Variants in ELOVL4 observed in about 807,000 individuals in gnomAD.
ELOVL4 encodes very long chain fatty acid elongase 4.
ELOVL4 carries 18 observed loss-of-function variants against 42.1 expected under a neutral mutation model. The observed-to-expected ratio is 0.43, with a 90% CI of 0.30 to 0.63. The LOEUF (loss-of-function observed/expected upper bound fraction) is 0.63. Ranked by LOEUF, ELOVL4 falls within the 30% of genes least tolerant of loss-of-function variation. The pLI is 0.15. For missense variants in ELOVL4, 299 were observed against 376.2 expected, an observed-to-expected ratio of 0.79 and a Z score of 1.70; for synonymous variants, 117 against 127.0, an observed-to-expected ratio of 0.92 and a Z score of 0.53.
In ELOVL4 at chr6:79,916,638, C is replaced by CT; in HGVS notation, c.914dup (p.Gln306AlafsTer12). On this transcript the variant is annotated frameshift_variant, in exon 6 of 6. Transcript: ENST00000369816. LOFTEE classifies it high-confidence loss of function. ...CTCCTTTTGCTTTTCCATTTTTCTGCTTTTTTCCATTTTCTATCATGAGTT... is the reference window on the plus strand; with the variant it reads ...CTCCTTTTGCTTTTCCATTTTTCTGCTTTTTTTCCATTTTCTATCATGAGTT... 1 of 1,614,072 alleles carries CT rather than the reference C, an allele frequency of 6.2e-7. No individual in the cohort carries two copies. The highest frequency in any genetic ancestry group is 8.5e-7 in the Non-Finnish European group (1 of 1,180,008).
rs149410136 is a variant in ELOVL4, at chr6:79,916,099, G to A, written c.*509C>T. 608 of 162,428 alleles carry A rather than the reference G, an allele frequency of 3.7e-3. 3 individuals carry two copies. Among genetic ancestry groups the A allele is most frequent in the African/African-American group, 0.014 (588 of 41,622 alleles). 10.1% of individuals were successfully genotyped at this position (162,428 alleles called of 1,614,324 possible). Reference sequence around the variant, plus strand: ...ATTATACTCTGACTAGAGGTGGAGAGATTTGACCATTCCGGTCAGCAAATG... The same window carrying A: ...ATTATACTCTGACTAGAGGTGGAGAAATTTGACCATTCCGGTCAGCAAATG... On this transcript the variant is annotated 3_prime_UTR_variant, in exon 6 of 6. Coordinates refer to ENST00000369816, the MANE Select transcript of ELOVL4 (RefSeq NM_022726.4).
At chr6:79,936,206 T>C (rs1774539843) in intron 1 of ELOVL4, among the ~76,000 whole-genome samples, 1 of 152,220 alleles carries the variant, frequency 6.6e-6, no homozygotes, top group Non-Finnish European at 1.5e-5. Context: ...TCGCTAAATA[T>C]TGAGCAGCTT....
rs142519788 is a variant in ELOVL4 at position 79,931,294 on chromosome 6, C to T, written c.101-4913G>A. On this transcript the variant is annotated intron_variant, in intron 1 of 5. Coordinates refer to ENST00000369816, the MANE Select transcript of ELOVL4 (RefSeq NM_022726.4). Reference sequence around the variant, plus strand: ...TTCACGTTGTCATGTAAACCTTTACCTAAACTAGAATCATAAAATTTTAGA... The same window carrying T: ...TTCACGTTGTCATGTAAACCTTTACTTAAACTAGAATCATAAAATTTTAGA... 5.5e-4 allele frequency among the ~76,000 whole-genome samples: 84 copies of T among 152,000 alleles called. 1 individual carries two copies. The South Asian group carries it at 8.3e-3, about 15-fold the overall frequency.
intron 1 of ELOVL4, among the ~76,000 whole-genome samples, chr6:79,941,531 GAATT>G (rs1255834550): frequency 6.6e-5 from 10 of 152,098 alleles, no homozygotes; most frequent in African/African-American, 2.4e-4. Context: ...AACGGCAACT[GAATT>G]AATGACCAAC....
chr6:79,938,008 C>T (rs1024231833), intron 1 of ELOVL4, among the ~76,000 whole-genome samples: 1 of 152,140 alleles, frequency 6.6e-6, no homozygotes, highest in Non-Finnish European at 1.5e-5. Flanking sequence ...GGATTACAGG[C>T]GTGAGCCACC....
intron 1 of ELOVL4, among the ~76,000 whole-genome samples, chr6:79,946,305 T>C (rs1413185485): frequency 6.6e-6 from 1 of 152,156 alleles, no homozygotes; most frequent in Non-Finnish European, 1.5e-5. Flanking sequence ...AACAGTACAA[T>C]GTAAAAATAT....
chr6:79,924,496 T>G (rs1774311503), intron 3 of ELOVL4, among the ~76,000 whole-genome samples: 1 of 152,178 alleles, frequency 6.6e-6, no homozygotes, highest in African/African-American at 2.4e-5. Flanking sequence ...TAAAAAAGCA[T>G]AGTTTTACTG....
chr6:79,921,996 A>G (rs570505486), intron 3 of ELOVL4, among the ~76,000 whole-genome samples, 200 bp from the exon 4 acceptor site: 1 of 152,374 alleles, frequency 6.6e-6, no homozygotes, highest in East Asian at 1.9e-4. Context: ...CCAAAGCTCT[A>G]TCTATACAGT....
rs1774761499 is a variant in ELOVL4, at chr6:79,947,152, G to C, written c.100+28C>G. 2.5e-6 allele frequency: 4 copies of C among 1,590,122 alleles called. No homozygotes were observed. In the South Asian group the frequency reaches 4.5e-5, roughly 18 times the overall value. ...CCGGTGACCCCCCGCGGGGGACCGA[G>C]CGAGGATGGGGAAGTCAGCGGCTTT... On this transcript the variant is annotated intron_variant, in intron 1 of 5. Transcript: ENST00000369816.
At chr6:79,933,257 G>A (rs948035830) in intron 1 of ELOVL4, among the ~76,000 whole-genome samples, 3 of 151,994 alleles carry the variant, frequency 2.0e-5, no homozygotes, top group Admixed American at 1.3e-4. Context: ...TTGGGACTGG[G>A]TCTGGCTCTG....
At chr6:79,924,624 C>T (rs904540133) in intron 3 of ELOVL4, among the ~76,000 whole-genome samples, 1 of 151,976 alleles carries the variant, frequency 6.6e-6, no homozygotes, top group Non-Finnish European at 1.5e-5. Context: ...TCCCTTGCGG[C>T]TGGGAGTTCA....
chr6:79,942,054 CT>C (rs748502006), intron 1 of ELOVL4, among the ~76,000 whole-genome samples: 2 of 152,060 alleles, frequency 1.3e-5, no homozygotes, highest in Non-Finnish European at 2.9e-5. Context: ...GTACTGGGTT[CT>C]GGTAAAAGGT....
intron 1 of ELOVL4, among the ~76,000 whole-genome samples, chr6:79,935,443 G>C (rs1364229194): frequency 6.6e-6 from 1 of 152,140 alleles, no homozygotes; most frequent in Non-Finnish European, 1.5e-5. Flanking sequence ...GAATACAGTA[G>C]GAAATCATCT....
At chr6:79,935,711 C>G (rs1263986023) in intron 1 of ELOVL4, among the ~76,000 whole-genome samples, 1 of 152,162 alleles carries the variant, frequency 6.6e-6, no homozygotes, top group Non-Finnish European at 1.5e-5. Context: ...AGAAGACACA[C>G]AAAATTCCTG....
chr6:79,944,709 T>C lies in ELOVL4; in HGVS notation c.100+2471A>G, dbSNP rs143929639. Among the ~76,000 whole-genome samples the C allele has an allele frequency of 1.1e-3, 165 of 152,258 alleles. 1 individual carries two copies. Among genetic ancestry groups the C allele is most frequent in the Non-Finnish European group, 2.1e-3 (142 of 68,012 alleles). Reference sequence around the variant, plus strand: ...AATTAATAAAAGAATGAAAGAAGCATGTAACTACAGCACTAGGAATGAGAG... The same window carrying C: ...AATTAATAAAAGAATGAAAGAAGCACGTAACTACAGCACTAGGAATGAGAG... On this transcript the variant is annotated intron_variant, in intron 1 of 5. Transcript: ENST00000369816.
chr6:79,925,917 C>T lies in ELOVL4; in HGVS notation c.288+277G>A, dbSNP rs71565059. 0.16 allele frequency among the ~76,000 whole-genome samples: 24,293 copies of T among 152,000 alleles called. 2,224 individuals are homozygous for T. Among genetic ancestry groups the T allele is most frequent in the South Asian group, 0.36 (1,722 of 4,822 alleles). ...ATGGTAGGTATTTAAGTGGGGAAAA[C>T]GAGGCTAAGAAAAGTTAAATAACTT... is the stretch of plus-strand genomic sequence containing the variant. On this transcript the variant is annotated intron_variant, in intron 2 of 5. Transcript: ENST00000369816.
At chr6:79,925,172 A>G (rs993255572) in intron 2 of ELOVL4, 140 bp from the exon 3 acceptor site, 9 of 623,888 alleles carry the variant, frequency 1.4e-5, no homozygotes, top group Non-Finnish European at 2.5e-5. Context: ...TAAAAATTTC[A>G]TGCATTCCGA....
In ELOVL4 at chr6:79,932,852, G is replaced by A. The variant is rs536425031; in HGVS notation, c.101-6471C>T. ...GTGTCTTATGAACAGTGGTAGGACA[G>A]AAAAGGGGAGAAGGCAGGGTATAAA... On this transcript the variant is annotated intron_variant, in intron 1 of 5. Transcript: ENST00000369816. 4.6e-5 allele frequency among the ~76,000 whole-genome samples: 7 copies of A among 152,246 alleles called. No individual in the cohort carries two copies. The South Asian group carries it at 1.5e-3, about 32-fold the overall frequency.
intron 1 of ELOVL4, among the ~76,000 whole-genome samples, chr6:79,946,192 T>C (rs1031349424): frequency 8.5e-5 from 13 of 152,198 alleles, no homozygotes; most frequent in African/African-American, 3.1e-4. Flanking sequence ...ACCAGAAAAA[T>C]TGACCTCGTA....
Sources: allele counts gnomAD v4.1 joint callset (sites outside exome capture counted in the v4.1 genomes callset), GRCh38; gene constraint gnomAD v4.1.1; transcripts MANE v1.5; gene names NCBI Gene and HGNC (gene_info 2026-07-23, HGNC 2026-07-21).